The following RPGRIP1L variants were observed in gnomAD, a reference collection of about 807,000 sequenced individuals.
RPGRIP1L encodes the protein RPGRIP1 like, also known as protein fantom.
RPGRIP1L carries 131 observed loss-of-function variants against 160.4 expected under a neutral mutation model. That is an observed-to-expected ratio of 0.82 (90% confidence interval 0.71 to 0.94). The LOEUF is 0.94. RPGRIP1L is among the 40% of genes least tolerant of loss of function. The pLI is 0.00. For synonymous variants in RPGRIP1L, 510 were observed against 515.8 expected (o/e 0.99, Z 0.15); for missense variants, 1,522 against 1,535.8 (o/e 0.99, Z 0.15).
intron 10 of RPGRIP1L, chr16:53,659,517 T>C (rs560083543): frequency 6.6e-6 from 1 of 152,652 alleles, no homozygotes; most frequent in Non-Finnish European, 1.5e-5. Context: ...CTGTATTTAG[T>C]CAACCATACT....
At chr16:53,636,572 G>A (rs1965848868) in intron 21 of RPGRIP1L, 60 bp from the exon 22 acceptor site, 1 of 1,147,614 alleles carries the variant, frequency 8.7e-7, no homozygotes. Context: ...CTTATACCCT[G>A]TAAAATAAAG....
At position 53,700,725 on chromosome 16, in the gene RPGRIP1L, G is replaced by A. The variant is rs778028294; in HGVS notation, c.-2C>T. 6.2e-6 allele frequency: 10 copies of A among 1,611,180 alleles called. No homozygotes were observed. The highest frequency in any genetic ancestry group is 3.3e-5 in the South Asian group (3 of 90,638). ...AGTCTCATCAGTTGGACCAGACATG[G>A]CCTAGCTGTGGAAAAAAGAAAATTC... On this transcript the variant is annotated 5_prime_UTR_variant, in exon 2 of 27. Coordinates refer to ENST00000647211, the MANE Select transcript of RPGRIP1L (RefSeq NM_015272.5).
intron 15 of RPGRIP1L, among the ~76,000 whole-genome samples, chr16:53,652,304 C>T (rs538407604): frequency 1.2e-4 from 19 of 152,266 alleles, no homozygotes; most frequent in African/African-American, 4.3e-4. Context: ...AACTCCTGGC[C>T]TCAAGTGCTT....
intron 6 of RPGRIP1L, among the ~76,000 whole-genome samples, chr16:53,678,356 A>G (rs1280953121): frequency 2.0e-5 from 3 of 152,212 alleles, no homozygotes; most frequent in Admixed American, 6.5e-5. Flanking sequence ...TTCTAATGGA[A>G]GCCTTGAAAA....
At chr16:53,646,027 T>G in intron 16 of RPGRIP1L, 24 bp from the exon 17 acceptor site, 1 of 1,611,036 alleles carries the variant, frequency 6.2e-7, no homozygotes. Flanking sequence ...CATATTTATA[T>G]TAAGGAAATA....
chr16:53,687,869 C>A lies in RPGRIP1L; in HGVS notation c.626G>T (p.Arg209Ile). ...CACAAAAAAGAACACATACAAATTT[C>A]TTATTTCTCCTCTGGCTTCTTCAAG... ...SLLEEARGEI[R>I]NLENVIQSQR... The change falls in exon 5 of 27, where the codon AGA (arginine) becomes ATA (isoleucine). Residue 209 changes from arginine to isoleucine, a missense_variant. Transcript: ENST00000647211. The A allele has an allele frequency of 6.3e-7, 1 of 1,593,276 alleles. No homozygotes were observed. The highest frequency in any genetic ancestry group is 8.6e-7 in the Non-Finnish European group (1 of 1,161,750).
chr16:53,672,951 T>G lies in RPGRIP1L; in HGVS notation c.948A>C (p.Gln316His), dbSNP rs763237910. The change falls in exon 8 of 27, where the codon CAA becomes CAC. Residue 316 changes from glutamine (Q) to histidine (H), a missense_variant. Transcript: ENST00000647211. ...AGCATTTTAAACGCTGCTCTTTAAGTTGCATGTTTAATTCATCCCCATTTG... is the reference window on the plus strand; with the variant it reads ...AGCATTTTAAACGCTGCTCTTTAAGGTGCATGTTTAATTCATCCCCATTTG... ...LMANGDELNM[Q>H]LKEQRLKCCS... The G allele has an allele frequency of 6.2e-7, 1 of 1,613,194 alleles. No individual in the cohort carries two copies. The highest frequency in any genetic ancestry group is 8.5e-7 in the Non-Finnish European group (1 of 1,179,408).
Position 53,641,034 on chromosome 16 carries a change from T to C in RPGRIP1L, c.2957A>G (p.Asp986Gly). 4 of 1,605,330 alleles carry C rather than the reference T, an allele frequency of 2.5e-6. No homozygotes were observed. Among genetic ancestry groups the C allele is most frequent in the Non-Finnish European group, 3.4e-6 (4 of 1,172,064 alleles). Reference protein sequence around the residue: ...SFVDIMPHQSDETSPPPEDRK... With the variant: ...SFVDIMPHQSGETSPPPEDRK... ...GTATTTTCAGTGTCTACTACTTACA[T>C]CACTCTGATGTGGCATGATATCCAC... Residue 986 changes from aspartate to glycine, a missense_variant and splice_region_variant, in exon 19 of 27, where the codon GAT becomes GGT. By Grantham distance (94) the Asp-to-Gly change is moderately conservative. Transcript: ENST00000647211.
rs1379474552 is a variant in RPGRIP1L at position 53,600,225 on chromosome 16, G to A, written c.*1851C>T. Reference sequence around the variant, plus strand: ...ATCTGGCTGTTTTAAATTACTGCAGGGAATATTATGGGCCTTAATGACACT... The same window carrying A: ...ATCTGGCTGTTTTAAATTACTGCAGAGAATATTATGGGCCTTAATGACACT... On this transcript the variant is annotated 3_prime_UTR_variant, in exon 27 of 27. Transcript: ENST00000647211. 1 of 152,468 alleles carries A rather than the reference G, an allele frequency of 6.6e-6. No homozygotes were observed. Among genetic ancestry groups the A allele is most frequent in the Non-Finnish European group, 1.5e-5 (1 of 68,016 alleles). 9.4% of individuals were successfully genotyped at this position (152,468 alleles called of 1,614,324 possible).
At chr16:53,614,526 C>G (rs1964238271) in intron 24 of RPGRIP1L, among the ~76,000 whole-genome samples, 1 of 152,126 alleles carries the variant, frequency 6.6e-6, no homozygotes, top group South Asian at 2.1e-4. Context: ...ATTCATTTGC[C>G]AAATTTTTAA....
rs1319071905 is a variant in RPGRIP1L, at chr16:53,600,690, A to G, written c.*1386T>C. On this transcript the variant is annotated 3_prime_UTR_variant, in exon 27 of 27. Coordinates refer to ENST00000647211, the MANE Select transcript of RPGRIP1L (RefSeq NM_015272.5). The stretch of plus-strand genomic sequence containing the variant: ...TGCATTATAGCTGCTTTTTTTTTCT[A>G]TTGAACTGTAATGAATTGTCTCATA... 1 of 152,292 alleles carries G rather than the reference A, an allele frequency of 6.6e-6. No homozygotes were observed. The highest frequency in any genetic ancestry group is 2.4e-5 in the African/African-American group (1 of 41,350). The allele number at this position is 152,292 out of a possible 1,614,324, so 9.4% of individuals were successfully genotyped here.
intron 24 of RPGRIP1L, among the ~76,000 whole-genome samples, chr16:53,613,901 C>T (rs1258928008): frequency 1.3e-5 from 2 of 152,120 alleles, no homozygotes; most frequent in Admixed American, 6.5e-5. Flanking sequence ...TGCCCAAGAC[C>T]ACCTACTTAG....
chr16:53,651,920 T>G (rs1397418268), intron 15 of RPGRIP1L, among the ~76,000 whole-genome samples: 1 of 151,468 alleles, frequency 6.6e-6, no homozygotes, highest in Non-Finnish European at 1.5e-5. Context: ...ATAAATAATT[T>G]AAACTATTAT....
Position 53,664,767 on chromosome 16 carries a change from G to A in RPGRIP1L, c.1243+103C>T, listed in dbSNP as rs768468688. On this transcript the variant is annotated intron_variant, in intron 10 of 26. Coordinates refer to ENST00000647211, the MANE Select transcript of RPGRIP1L (RefSeq NM_015272.5). ...ACTGTGTCTGTCCCTCATACATTGC[G>A]GGGATACTGGCAAACAGTAGGCACC... The A allele has an allele frequency of 4.5e-4, 571 of 1,281,016 alleles. 2 individuals are homozygous for A. Among genetic ancestry groups the A allele is most frequent in the Non-Finnish European group, 5.8e-4 (521 of 891,966 alleles). 79.4% of individuals were successfully genotyped at this position (1,281,016 alleles called of 1,614,324 possible).
intron 3 of RPGRIP1L, chr16:53,695,192 A>G: frequency 1.7e-6 from 1 of 586,426 alleles, no homozygotes; most frequent in East Asian, 2.8e-5. Flanking sequence ...TTAGGTGGTC[A>G]TAGCAGACTA....
At chr16:53,623,374 T>C (rs539126430) in intron 22 of RPGRIP1L, among the ~76,000 whole-genome samples, 46 of 152,328 alleles carry the variant, frequency 3.0e-4, no homozygotes, top group African/African-American at 9.9e-4. Context: ...GGATCTACTC[T>C]CATGACAGAG....
chr16:53,648,965 G>A lies in RPGRIP1L; in HGVS notation c.2303C>T (p.Ser768Leu), dbSNP rs542206983. The part of the protein sequence containing the change: ...SNFKGPEHMQ[S>L]LSQQAPKTAQ... ...GGTCTTAAAGCCAAATGAGCTTACC[G>A]ACTGCATATGCTCTGGCCCCTTAAA... is the stretch of plus-strand genomic sequence containing the variant. The change falls in exon 16 of 27, where the codon TCG becomes TTG. Residue 768 changes from serine (S) to leucine (L), a missense_variant and splice_region_variant. Coordinates refer to ENST00000647211, the MANE Select transcript of RPGRIP1L (RefSeq NM_015272.5). 8.1e-6 allele frequency: 13 copies of A among 1,613,346 alleles called. No individual in the cohort carries two copies. Among genetic ancestry groups the A allele is most frequent in the East Asian group, 4.5e-5 (2 of 44,868 alleles).
At chr16:53,683,213 T>G (rs908327494) in intron 6 of RPGRIP1L, among the ~76,000 whole-genome samples, 3 of 152,010 alleles carry the variant, frequency 2.0e-5, no homozygotes, top group South Asian at 4.1e-4. Context: ...TCTTACTTGG[T>G]TTTTCTAATA....
At chr16:53,616,106 C>A (rs1315852064) in intron 24 of RPGRIP1L, among the ~76,000 whole-genome samples, 1 of 152,158 alleles carries the variant, frequency 6.6e-6, no homozygotes, top group Non-Finnish European at 1.5e-5. Flanking sequence ...AACCTCTCTA[C>A]TGCATGCTGT....
Sources: gnomAD v4.1 joint callset for allele counts (sites outside exome capture counted in the v4.1 genomes callset) on GRCh38, gnomAD v4.1.1 for gene constraint, MANE v1.5 for transcripts, NCBI Gene and HGNC (gene_info 2026-07-23, HGNC 2026-07-21) for gene names.